NBAS: variants seen among roughly 807,000 people sequenced by gnomAD.
NBAS encodes NAG/BC035112 fusion.
NBAS carries 219 observed loss-of-function variants against 302.5 expected under a neutral mutation model. The ratio of observed to expected loss-of-function variants is 0.72; its 90% CI spans 0.65 to 0.81. The LOEUF is 0.81. NBAS is among the 30% of genes least tolerant of loss of function. The probability of loss-of-function intolerance (pLI) is 0.00; values close to 1 mark genes in which losing one functional copy is unlikely to be tolerated. For synonymous variants in NBAS, 1,118 were observed against 1,021.6 expected (o/e 1.09, Z -1.80); for missense variants, 2,932 against 2,841.6 (o/e 1.03, Z -0.72).
chr2:14,805,456 A>T, the NBAS span, among the ~76,000 whole-genome samples: 2 of 152,172 alleles, frequency 1.3e-5, no homozygotes, highest in East Asian at 3.9e-4. Context: ...AAGAGCCATG[A>T]AAAAGTTTTA....
rs952071938 is a variant in NBAS at position 15,534,650 on chromosome 2, A to C, written c.648-9T>G. 6.3e-7 allele frequency: 1 copy of C among 1,595,118 alleles called. No individual in the cohort carries two copies. On this transcript the variant is annotated splice_polypyrimidine_tract_variant and intron_variant, in intron 8 of 51. Coordinates refer to ENST00000281513, the MANE Select transcript of NBAS (RefSeq NM_015909.4). ...TCTGATTTGTTCCAACACTAAATTT[A>C]AGAGGGTATGAAAGAAGTAAATACC... is the stretch of plus-strand genomic sequence containing the variant.
chr2:15,220,685 C>G (rs1036327000), intron 47 of NBAS, among the ~76,000 whole-genome samples: 1 of 152,112 alleles, frequency 6.6e-6, no homozygotes, highest in African/African-American at 2.4e-5. Flanking sequence ...AAGGGGTTAT[C>G]CATACAGGAG....
chr2:14,838,166 T>G, the NBAS span, among the ~76,000 whole-genome samples: 1 of 151,916 alleles, frequency 6.6e-6, no homozygotes, highest in Non-Finnish European at 1.5e-5. Context: ...TACTATGAAT[T>G]TTTTTGCTCC....
At chr2:14,958,214 C>G in the NBAS span, among the ~76,000 whole-genome samples, 7 of 152,182 alleles carry the variant, frequency 4.6e-5, no homozygotes, top group Admixed American at 3.3e-4. Context: ...GCAGAGTGAA[C>G]CAGTGGGAGA....
At chr2:15,053,999 G>T in the NBAS span, among the ~76,000 whole-genome samples, 1 of 151,976 alleles carries the variant, frequency 6.6e-6, no homozygotes, top group African/African-American at 2.4e-5. Flanking sequence ...ATTATGGTGG[G>T]GTGAGGGAGT....
rs181185975 is a variant in NBAS at position 15,415,220 on chromosome 2, T to G, written c.2937+326A>C. 2.6e-5 allele frequency among the ~76,000 whole-genome samples: 4 copies of G among 152,348 alleles called. No homozygotes were observed. The East Asian group carries it at 7.7e-4, about 29-fold the overall frequency. ...AATAAAAGTATCTATGCCATAGGAT[T>G]GTTATAAGGATTAAATGAGGTAACA... On this transcript the variant is annotated intron_variant, in intron 25 of 51. Coordinates refer to ENST00000281513, the MANE Select transcript of NBAS (RefSeq NM_015909.4).
chr2:15,519,888 A>C (rs1165602306), intron 9 of NBAS, among the ~76,000 whole-genome samples: 4 of 152,224 alleles, frequency 2.6e-5, no homozygotes, highest in Non-Finnish European at 5.9e-5. Flanking sequence ...CAAATTATGA[A>C]GCATCAGACT....
chr2:14,924,566 C>A, the NBAS span, among the ~76,000 whole-genome samples: 5 of 152,214 alleles, frequency 3.3e-5, no homozygotes, highest in Admixed American at 2.6e-4. Context: ...CTGAGATACT[C>A]CCATCAGTGT....
At chr2:14,868,260 G>T in the NBAS span, among the ~76,000 whole-genome samples, 1 of 152,048 alleles carries the variant, frequency 6.6e-6, no homozygotes, top group Non-Finnish European at 1.5e-5. Context: ...AGTCTATATA[G>T]GCAGGAATCC....
chr2:15,495,460 A>ATTT (rs909014591), intron 11 of NBAS, among the ~76,000 whole-genome samples: 60 of 152,322 alleles, frequency 3.9e-4, no homozygotes, highest in African/African-American at 1.4e-3. Context: ...TCAACAAATA[A>ATTT]TTTTTAAGAG....
At chr2:15,434,996 G>A (rs1250267151) in intron 21 of NBAS, among the ~76,000 whole-genome samples, 2 of 152,158 alleles carry the variant, frequency 1.3e-5, no homozygotes, top group African/African-American at 4.8e-5. Flanking sequence ...ATGAAGACAA[G>A]CAGACCCTGA....
chr2:15,086,981 G>GCA, the NBAS span, among the ~76,000 whole-genome samples: 1 of 151,368 alleles, frequency 6.6e-6, no homozygotes, highest in Non-Finnish European at 1.5e-5. Context: ...TCCCCAACAC[G>GCA]CACACACACA....
chr2:15,152,200 A>G, the NBAS span, among the ~76,000 whole-genome samples: 1 of 152,196 alleles, frequency 6.6e-6, no homozygotes, highest in Non-Finnish European at 1.5e-5. Flanking sequence ...CAAAAACATA[A>G]AGAGAACATA....
the NBAS span, among the ~76,000 whole-genome samples, chr2:15,105,032 TA>T: frequency 1.6e-4 from 23 of 148,246 alleles, no homozygotes; most frequent in African/African-American, 4.2e-4. Context: ...ACAGACTGGA[TA>T]AAAAAAAAAT....
At chr2:15,351,809 T>G (rs986583322) in intron 35 of NBAS, among the ~76,000 whole-genome samples, 183 bp downstream of exon 35, 1 of 151,992 alleles carries the variant, frequency 6.6e-6, no homozygotes, top group Non-Finnish European at 1.5e-5. Context: ...GGTATACTTA[T>G]CTATATGAAT....
At chr2:15,091,937 T>C in the NBAS span, among the ~76,000 whole-genome samples, 1 of 152,238 alleles carries the variant, frequency 6.6e-6, no homozygotes, top group African/African-American at 2.4e-5. Flanking sequence ...AAAAGACTGC[T>C]TATGTTATCA....
chr2:15,497,037 C>T (rs1286414364), intron 11 of NBAS, among the ~76,000 whole-genome samples: 1 of 151,620 alleles, frequency 6.6e-6, no homozygotes, highest in East Asian at 1.9e-4. Context: ...AAACCATTCC[C>T]AATAGAAAAA....
the NBAS span, among the ~76,000 whole-genome samples, chr2:14,990,932 G>C: frequency 2.0e-5 from 3 of 152,208 alleles, no homozygotes; most frequent in South Asian, 6.2e-4. Flanking sequence ...CTACAGAGGA[G>C]AGACATGGGA....
the NBAS span, among the ~76,000 whole-genome samples, chr2:14,893,031 C>A: frequency 6.6e-6 from 1 of 152,178 alleles, no homozygotes; most frequent in Non-Finnish European, 1.5e-5. Context: ...GCTGTGAAAC[C>A]ATTGCTTCAT....
Sources: gnomAD v4.1 joint callset for allele counts (sites outside exome capture counted in the v4.1 genomes callset) on GRCh38, gnomAD v4.1.1 for gene constraint, MANE v1.5 for transcripts, NCBI Gene and HGNC (gene_info 2026-07-23, HGNC 2026-07-21) for gene names.